EPHA3: variants seen among roughly 807,000 people sequenced by gnomAD.
EPHA3 encodes ephrin type-A receptor 3.
In EPHA3, 42 loss-of-function variants were observed where a neutral mutation model predicts 107.1. The observed-to-expected ratio is 0.39, with a 90% CI of 0.31 to 0.51. The LOEUF (loss-of-function observed/expected upper bound fraction) is 0.51. Among genes scored for constraint, EPHA3 ranks in the 20% least tolerant of loss-of-function variants. The pLI is 0.78. For synonymous variants in EPHA3, 461 were observed against 424.8 expected (o/e 1.09, Z -1.05); for missense variants, 1,183 against 1,211.2 (o/e 0.98, Z 0.35).
chr3:89,402,107 C>T (rs1708975393), intron 7 of EPHA3, among the ~76,000 whole-genome samples: 1 of 152,160 alleles, frequency 6.6e-6, no homozygotes, highest in Non-Finnish European at 1.5e-5. Flanking sequence ...TTAACCCTCT[C>T]TGATAAGTAA....
At chr3:89,121,066 C>T (rs1434954609) in intron 1 of EPHA3, among the ~76,000 whole-genome samples, 1 of 151,616 alleles carries the variant, frequency 6.6e-6, no homozygotes, top group African/African-American at 2.4e-5. Flanking sequence ...GGTGAAACCC[C>T]GTCTCTACAC....
intron 3 of EPHA3, among the ~76,000 whole-genome samples, chr3:89,247,788 A>G (rs1398628421): frequency 6.6e-6 from 1 of 152,154 alleles, no homozygotes; most frequent in East Asian, 1.9e-4. Flanking sequence ...TGTAAAAGAT[A>G]TGATTGACAT....
rs1487497238 is a variant in EPHA3 at position 89,350,946 on chromosome 3, G to A, written c.1306+8856G>A. 2.0e-5 allele frequency among the ~76,000 whole-genome samples: 3 copies of A among 151,518 alleles called. No homozygotes were observed. The East Asian group carries it at 5.8e-4, about 29-fold the overall frequency. ...GGCTGCTCGGGGGTCAGGGGTCAGG[G>A]ACCCACTTGAGGAGGCAGTCTGCCG... On this transcript the variant is annotated intron_variant, in intron 5 of 16. Coordinates refer to ENST00000336596, the MANE Select transcript of EPHA3 (RefSeq NM_005233.6).
intron 13 of EPHA3, among the ~76,000 whole-genome samples, chr3:89,439,361 C>A (rs568048287): frequency 1.3e-5 from 2 of 152,094 alleles, no homozygotes; most frequent in African/African-American, 4.8e-5. Context: ...AGGAGGCTGA[C>A]GTGGGAGGGT....
At chr3:89,272,768 A>G (rs1705705120) in intron 3 of EPHA3, among the ~76,000 whole-genome samples, 1 of 151,960 alleles carries the variant, frequency 6.6e-6, no homozygotes, top group Non-Finnish European at 1.5e-5. Flanking sequence ...TTTAAAAGTA[A>G]CTATGGAACA....
intron 10 of EPHA3, among the ~76,000 whole-genome samples, chr3:89,415,341 A>T (rs981128324): frequency 1.8e-4 from 27 of 150,522 alleles, no homozygotes; most frequent in Admixed American, 8.6e-4. Context: ...TAATCTTAAA[A>T]AAAATATGTT....
intron 2 of EPHA3, among the ~76,000 whole-genome samples, chr3:89,209,283 T>A (rs1706205775): frequency 6.6e-6 from 1 of 152,136 alleles, no homozygotes; most frequent in African/African-American, 2.4e-5. Context: ...AGCTGTGGGG[T>A]GAGGAACATT....
chr3:89,398,042 C>A (rs1164343867), intron 6 of EPHA3, among the ~76,000 whole-genome samples: 2 of 152,092 alleles, frequency 1.3e-5, no homozygotes, highest in Non-Finnish European at 2.9e-5. Flanking sequence ...AAAATTAATT[C>A]TAAATATTTA....
intron 10 of EPHA3, among the ~76,000 whole-genome samples, chr3:89,417,235 G>A (rs2107525365): frequency 6.6e-6 from 1 of 151,584 alleles, no homozygotes; most frequent in East Asian, 1.9e-4. Flanking sequence ...GAGAGGTTAA[G>A]TTACTTAAAA....
At chr3:89,351,870 A>G (rs1707829797) in intron 5 of EPHA3, among the ~76,000 whole-genome samples, 2 of 150,122 alleles carry the variant, frequency 1.3e-5, no homozygotes, top group African/African-American at 4.9e-5. Context: ...CTGATATAAT[A>G]TAGTTCCCAT....
chr3:89,238,148 G>A (rs373063408), intron 3 of EPHA3, among the ~76,000 whole-genome samples: 24 of 152,044 alleles, frequency 1.6e-4, no homozygotes, highest in East Asian at 5.8e-4. Context: ...TTTAAATAAC[G>A]GGTATTCACT....
chr3:89,230,288 G>T (rs185093594), intron 3 of EPHA3, among the ~76,000 whole-genome samples: 50 of 152,238 alleles, frequency 3.3e-4, no homozygotes, highest in Non-Finnish European at 6.2e-4. Flanking sequence ...GATAGGAGGA[G>T]TTTTTGCCTA....
intron 2 of EPHA3, among the ~76,000 whole-genome samples, chr3:89,170,147 T>A (rs1705178675): frequency 6.6e-6 from 1 of 151,546 alleles, no homozygotes. Flanking sequence ...GCTGCTCTGC[T>A]CGGGAGGCTG....
chr3:89,117,710 A>AT (rs201039583), intron 1 of EPHA3, among the ~76,000 whole-genome samples: 29 of 151,546 alleles, frequency 1.9e-4, no homozygotes, highest in East Asian at 3.9e-4. Context: ...TTATGGCATA[A>AT]TTTTTTTTTG....
At chr3:89,349,532 C>G (rs1443522574) in intron 5 of EPHA3, among the ~76,000 whole-genome samples, 1 of 149,394 alleles carries the variant, frequency 6.7e-6, no homozygotes, top group Non-Finnish European at 1.5e-5. Context: ...GATGGGTTTC[C>G]TGAATACAGC....
At chr3:89,317,014 C>T (rs1361448683) in intron 3 of EPHA3, among the ~76,000 whole-genome samples, 1 of 151,620 alleles carries the variant, frequency 6.6e-6, no homozygotes, top group African/African-American at 2.4e-5. Flanking sequence ...CCCTGAGATC[C>T]AACTTACCGT....
At chr3:89,331,193 A>C (rs1358891754) in intron 3 of EPHA3, among the ~76,000 whole-genome samples, 2 of 152,188 alleles carry the variant, frequency 1.3e-5, no homozygotes, top group African/African-American at 4.8e-5. Flanking sequence ...AAACACACAT[A>C]TTCTTTGACT....
Position 89,230,564 on chromosome 3 carries a change from A to C in EPHA3, c.814+20044A>C, listed in dbSNP as rs574964729. The stretch of plus-strand genomic sequence containing the variant: ...GTAACATGGTTTTGATCATCTATCC[A>C]AATTCTTCTTTCTATAGTATTATGA... On this transcript the variant is annotated intron_variant, in intron 3 of 16. Transcript: ENST00000336596. 2.0e-4 allele frequency among the ~76,000 whole-genome samples: 30 copies of C among 152,188 alleles called. No individual in the cohort carries two copies. In the South Asian group the frequency reaches 4.8e-3, roughly 24 times the overall value.
At chr3:89,384,442 G>C (rs115319113) in intron 5 of EPHA3, among the ~76,000 whole-genome samples, 6 of 152,098 alleles carry the variant, frequency 3.9e-5, no homozygotes, top group Admixed American at 3.3e-4. Flanking sequence ...TTGCAAAATT[G>C]TTTTTCGCTC....
Sources: allele counts gnomAD v4.1 joint callset (sites outside exome capture counted in the v4.1 genomes callset), GRCh38; gene constraint gnomAD v4.1.1; transcripts MANE v1.5; gene names NCBI Gene and HGNC (gene_info 2026-07-23, HGNC 2026-07-21).